Variants in PPP1R16B observed in about 807,000 individuals in gnomAD.
The protein encoded by PPP1R16B is protein phosphatase 1 regulatory inhibitor subunit 16B.
Under a neutral mutation model 61.7 loss-of-function variants are expected in PPP1R16B, and 14 were observed. The observed-to-expected ratio is 0.23, with a 90% CI of 0.15 to 0.35. PPP1R16B has a LOEUF of 0.35. PPP1R16B is among the 10% of genes least tolerant of loss of function. PPP1R16B has a pLI of 1.00. For synonymous variants in PPP1R16B, 266 were observed against 305.3 expected (o/e 0.87, Z 1.34); for missense variants, 547 against 752.5 (o/e 0.73, Z 3.19).
At chr20:38,906,916 T>C in intron 7 of PPP1R16B, 63 bp from the exon 8 acceptor site, 2 of 1,440,754 alleles carry the variant, frequency 1.4e-6, no homozygotes, top group Non-Finnish European at 2.0e-6. Context: ...GGGCACTCTC[T>C]CCACCTCCTA....
chr20:38,906,138 T>C (rs1434935173), intron 7 of PPP1R16B, 44 bp downstream of exon 7: 1 of 1,576,298 alleles, frequency 6.3e-7, no homozygotes, highest in East Asian at 2.2e-5. Context: ...GGCACAGGGC[T>C]AACCTGCTGA....
chr20:38,861,508 C>A (rs1299143918), intron 2 of PPP1R16B, among the ~76,000 whole-genome samples: 1 of 152,048 alleles, frequency 6.6e-6, no homozygotes, highest in African/African-American at 2.4e-5. Context: ...ACTTTTAAAA[C>A]CTTTGTCTAG....
intron 2 of PPP1R16B, among the ~76,000 whole-genome samples, chr20:38,869,164 T>TA (rs2085109919): frequency 2.0e-5 from 3 of 151,550 alleles, no homozygotes; most frequent in South Asian, 2.1e-4. Flanking sequence ...TATTTTTTTT[T>TA]ATTTATTTAT....
At chr20:38,869,212 C>G (rs746371334) in intron 2 of PPP1R16B, among the ~76,000 whole-genome samples, 13 of 151,716 alleles carry the variant, frequency 8.6e-5, no homozygotes, top group Non-Finnish European at 1.8e-4. Flanking sequence ...AGGCTGAATG[C>G]GGGTGGCACG....
At chr20:38,856,890 T>C (rs2085012463) in intron 2 of PPP1R16B, among the ~76,000 whole-genome samples, 1 of 152,216 alleles carries the variant, frequency 6.6e-6, no homozygotes, top group Admixed American at 6.5e-5. Context: ...GCATTTCTCC[T>C]TCAAAAGCTC....
At chr20:38,909,058 G>GATC (rs1232818285) in intron 10 of PPP1R16B, among the ~76,000 whole-genome samples, 1 of 152,092 alleles carries the variant, frequency 6.6e-6, no homozygotes, top group African/African-American at 2.4e-5. Flanking sequence ...CTGGAGTGCA[G>GATC]TGGCATGATT....
rs144740684 is a variant in PPP1R16B at position 38,841,452 on chromosome 20, C to T, written c.250+5277C>T. ...CTTAGGCAGGAGGATCGCTTGAATC[C>T]GGGAGGTTAAATCTGCAGTGAGCCA... is the stretch of plus-strand genomic sequence containing the variant. On this transcript the variant is annotated intron_variant, in intron 2 of 10. Coordinates refer to ENST00000299824, the MANE Select transcript of PPP1R16B (RefSeq NM_015568.4). Among the ~76,000 whole-genome samples, 631 of 151,382 alleles carry T rather than the reference C, an allele frequency of 4.2e-3. 4 individuals are homozygous for T. The highest frequency in any genetic ancestry group is 0.014 in the African/African-American group (598 of 41,264).
At chr20:38,899,797 C>T (rs1426623674) in intron 4 of PPP1R16B, among the ~76,000 whole-genome samples, 1 of 145,418 alleles carries the variant, frequency 6.9e-6, no homozygotes, top group Non-Finnish European at 1.5e-5. Flanking sequence ...CTGTCTGAGT[C>T]TTTTTTTTTT....
chr20:38,885,536 G>A (rs2085238501), intron 2 of PPP1R16B, among the ~76,000 whole-genome samples: 1 of 152,174 alleles, frequency 6.6e-6, no homozygotes, highest in Non-Finnish European at 1.5e-5. Context: ...TCCTATTCCT[G>A]GCCTTAGGGC....
chr20:38,866,097 C>T (rs1453491083), intron 2 of PPP1R16B, among the ~76,000 whole-genome samples: 2 of 151,626 alleles, frequency 1.3e-5, no homozygotes, highest in Non-Finnish European at 2.9e-5. Context: ...GCACTCCAGC[C>T]TGGGCGACAG....
intron 10 of PPP1R16B, among the ~76,000 whole-genome samples, chr20:38,916,514 G>A (rs77568578): frequency 2.6e-4 from 39 of 151,484 alleles, no homozygotes; most frequent in African/African-American, 9.4e-4. Context: ...CTTTTTGCCA[G>A]CTACAGAGCA....
chr20:38,913,582 A>T (rs1442191799), intron 10 of PPP1R16B, among the ~76,000 whole-genome samples: 1 of 152,160 alleles, frequency 6.6e-6, no homozygotes, highest in Admixed American at 6.5e-5. Context: ...TTTTAAAGCT[A>T]AAGAGAGACT....
At chr20:38,865,390 C>T (rs1427134475) in intron 2 of PPP1R16B, among the ~76,000 whole-genome samples, 2 of 151,882 alleles carry the variant, frequency 1.3e-5, no homozygotes, top group Non-Finnish European at 2.9e-5. Flanking sequence ...CCCAGGTTCA[C>T]GCCATTCTCC....
chr20:38,865,473 G>T (rs1250011650), intron 2 of PPP1R16B, among the ~76,000 whole-genome samples: 4 of 152,008 alleles, frequency 2.6e-5, no homozygotes, highest in Non-Finnish European at 5.9e-5. Context: ...TGTATTTTTA[G>T]TAGAAATGGG....
Position 38,908,166 on chromosome 20 carries a change from C to G in PPP1R16B, c.1167C>G (p.Thr389=). 1 of 1,614,244 alleles carries G rather than the reference C, an allele frequency of 6.2e-7. No individual in the cohort carries two copies. The highest frequency in any genetic ancestry group is 8.5e-7 in the Non-Finnish European group (1 of 1,180,042). Residue 389 remains threonine (T), a synonymous_variant, in exon 10 of 11, where the codon ACC becomes ACG. Coordinates refer to ENST00000299824, the MANE Select transcript of PPP1R16B (RefSeq NM_015568.4). ...TSTYNGDIRE[T]RTDQENKDPN... ...CCTACAACGGGGACATCAGGGAGAC[C>G]AGGACAGACCAAGAGAATAAGGACC...
At chr20:38,892,380 C>T (rs2085298936) in intron 3 of PPP1R16B, among the ~76,000 whole-genome samples, 1 of 152,148 alleles carries the variant, frequency 6.6e-6, no homozygotes, top group Non-Finnish European at 1.5e-5. Context: ...CCGAGTTTAG[C>T]TGCATGAAGC....
At chr20:38,845,648 G>A (rs1437174436) in intron 2 of PPP1R16B, among the ~76,000 whole-genome samples, 2 of 152,128 alleles carry the variant, frequency 1.3e-5, no homozygotes, top group African/African-American at 4.8e-5. Flanking sequence ...TGGGAACAGG[G>A]TTGGCGTGTT....
At chr20:38,842,597 T>G (rs1355712841) in intron 2 of PPP1R16B, among the ~76,000 whole-genome samples, 1 of 152,206 alleles carries the variant, frequency 6.6e-6, no homozygotes, top group Non-Finnish European at 1.5e-5. Flanking sequence ...AATGAGATAT[T>G]ATGCAGAAAC....
At position 38,919,226 on chromosome 20, in the gene PPP1R16B, G is replaced by C. The variant is rs1473592422; in HGVS notation, c.*560G>C. The stretch of plus-strand genomic sequence containing the variant: ...TAGTCCTGCTCAGAGTTATCCCAAA[G>C]TCTGAGCCACCAGCCACACCTGACA... On this transcript the variant is annotated 3_prime_UTR_variant, in exon 11 of 11. Transcript: ENST00000299824. 6.5e-6 allele frequency: 1 copy of C among 152,726 alleles called. No homozygotes were observed. The highest frequency in any genetic ancestry group is 1.5e-5 in the Non-Finnish European group (1 of 68,156). The allele number at this position is 152,726 out of a possible 1,614,324, so 9.5% of individuals were successfully genotyped here. A position where few individuals can be genotyped will look rare whatever the true frequency, so the allele number is the denominator to read the frequency against.
Sources: gnomAD v4.1 joint callset for allele counts (sites outside exome capture counted in the v4.1 genomes callset) on GRCh38, gnomAD v4.1.1 for gene constraint, MANE v1.5 for transcripts, NCBI Gene and HGNC (gene_info 2026-07-23, HGNC 2026-07-21) for gene names.